Variants in GRAMD1C observed in about 807,000 individuals in gnomAD.
GRAMD1C encodes the protein protein Aster-C.
A neutral mutation model predicts 97.8 loss-of-function variants in GRAMD1C; 89 were observed. The observed-to-expected ratio is 0.91, with a 90% CI of 0.77 to 1.09. The LOEUF is 1.09. GRAMD1C is among the 50% of genes least tolerant of loss of function. GRAMD1C has a pLI of 0.00. For missense variants in GRAMD1C, 740 were observed against 766.4 expected, an observed-to-expected ratio of 0.97 and a Z score of 0.41; for synonymous variants, 256 against 267.0, an observed-to-expected ratio of 0.96 and a Z score of 0.40.
intron 8 of GRAMD1C, among the ~76,000 whole-genome samples, chr3:113,905,715 TAC>T (rs1936346599): frequency 2.0e-5 from 3 of 151,802 alleles, no homozygotes; most frequent in East Asian, 3.9e-4. Context: ...TTTTTTTTGA[TAC>T]AGAGTTTTGC....
intron 2 of GRAMD1C, among the ~76,000 whole-genome samples, chr3:113,865,903 G>C (rs1051375538): frequency 1.3e-5 from 2 of 152,106 alleles, no homozygotes; most frequent in Non-Finnish European, 2.9e-5. Flanking sequence ...TCCAGTCCTT[G>C]TGTTGTTGAT....
rs1216190650 is a variant in GRAMD1C at position 113,875,539 on chromosome 3, A to C, written c.315A>C (p.Ser105=). The C allele has an allele frequency of 6.4e-7, 1 of 1,558,414 alleles. No individual in the cohort carries two copies. The highest frequency in any genetic ancestry group is 8.9e-7 in the Non-Finnish European group (1 of 1,128,612). The change falls in exon 4 of 18, where the codon TCA becomes TCC. Residue 105 remains serine (S), a synonymous_variant. Coordinates refer to ENST00000358160, the MANE Select transcript of GRAMD1C (RefSeq NM_017577.5). ...TGCTTCAGGGACGACTATACCTTTCAGAAAACTGGCTATGTTTCTATAGCA... is the reference window on the plus strand; with the variant it reads ...TGCTTCAGGGACGACTATACCTTTCCGAAAACTGGCTATGTTTCTATAGCA... The part of the protein sequence containing the change: ...DILLQGRLYL[S]ENWLCFYSNI...
intron 2 of GRAMD1C, among the ~76,000 whole-genome samples, chr3:113,866,122 T>C (rs1443097437): frequency 6.6e-6 from 1 of 152,210 alleles, no homozygotes; most frequent in African/African-American, 2.4e-5. Flanking sequence ...TTCAAGTCTC[T>C]TATATCCTTG....
In GRAMD1C at chr3:113,904,244, A is replaced by T; in HGVS notation, c.761A>T (p.Glu254Val). The T allele has an allele frequency of 6.2e-7, 1 of 1,607,680 alleles. No homozygotes were observed. Among genetic ancestry groups the T allele is most frequent in the Non-Finnish European group, 8.5e-7 (1 of 1,174,228 alleles). The change falls in exon 8 of 18, where the codon GAG (glutamate) becomes GTG (valine). Residue 254 changes from glutamate to valine, a missense_variant. Physicochemically the swap from Glu to Val is moderately radical, Grantham distance 121 (BLOSUM62 -2). Transcript: ENST00000358160. The part of the protein sequence containing the change: ...SESISRVSET[E>V]SFDGNSSKGG... ...TCAATTAGTCGGGTTTCAGAAACAGAGTCATTCGATGGAAATTCATCAAAA... is the reference window on the plus strand; with the variant it reads ...TCAATTAGTCGGGTTTCAGAAACAGTGTCATTCGATGGAAATTCATCAAAA...
chr3:113,893,635 T>C (rs1935819217), intron 6 of GRAMD1C, among the ~76,000 whole-genome samples: 1 of 152,242 alleles, frequency 6.6e-6, no homozygotes, highest in Non-Finnish European at 1.5e-5. Flanking sequence ...ACTGACAAGT[T>C]CAGTCTTTAC....
intron 17 of GRAMD1C, among the ~76,000 whole-genome samples, chr3:113,944,546 C>T (rs768215514): frequency 6.6e-6 from 1 of 152,174 alleles, no homozygotes; most frequent in Non-Finnish European, 1.5e-5. Flanking sequence ...TTCCTCTAAT[C>T]CAAAACCTAA....
chr3:113,897,677 A>C (rs962324372), intron 6 of GRAMD1C: 1 of 981,794 alleles, frequency 1.0e-6, no homozygotes, highest in Non-Finnish European at 1.2e-6. Context: ...AGATGGCAAC[A>C]TACTTAGAAT....
intron 3 of GRAMD1C, among the ~76,000 whole-genome samples, chr3:113,871,893 A>G (rs2107375201): frequency 6.6e-6 from 1 of 152,196 alleles, no homozygotes; most frequent in Admixed American, 6.5e-5. Context: ...GTAAGGAGAG[A>G]TCATGCCAGT....
At chr3:113,893,096 A>G (rs1400527851) in intron 6 of GRAMD1C, among the ~76,000 whole-genome samples, 1 of 152,186 alleles carries the variant, frequency 6.6e-6, no homozygotes, top group Non-Finnish European at 1.5e-5. Context: ...ACACTACAAC[A>G]GCAGAGTTGA....
chr3:113,885,222 G>A (rs1465983065), intron 6 of GRAMD1C: 8 of 855,704 alleles, frequency 9.3e-6, no homozygotes, highest in Non-Finnish European at 1.5e-5. Context: ...CCTCCCTTCG[G>A]CGGGGGTTGC....
intron 6 of GRAMD1C, chr3:113,885,448 G>C (rs1480414283): frequency 1.3e-6 from 2 of 1,580,162 alleles, no homozygotes; most frequent in Non-Finnish European, 8.7e-7. Context: ...CTTATCTCCT[G>C]TGTCCCGGAA....
intron 4 of GRAMD1C, 23 bp from the exon 5 acceptor site, chr3:113,876,141 TA>T (rs1485367703): frequency 7.0e-6 from 8 of 1,149,820 alleles, no homozygotes; most frequent in African/African-American, 4.6e-5. Context: ...AAAAATACAT[TA>T]AAAAAATTTT....
At chr3:113,935,036 G>C (rs1937551000) in intron 13 of GRAMD1C, among the ~76,000 whole-genome samples, 1 of 152,118 alleles carries the variant, frequency 6.6e-6, no homozygotes, top group African/African-American at 2.4e-5. Flanking sequence ...GCACCACCGT[G>C]CCTGGCCGAA....
rs1346241240 is a variant in GRAMD1C at position 113,908,979 on chromosome 3, C to G, written c.811C>G (p.Gln271Glu). 6.4e-7 allele frequency: 1 copy of G among 1,574,464 alleles called. No individual in the cohort carries two copies. The highest frequency in any genetic ancestry group is 1.4e-5 in the African/African-American group (1 of 72,394). Residue 271 changes from glutamine (Q) to glutamate (E), a missense_variant, in exon 9 of 18, where the codon CAA becomes GAA. Physicochemically the swap from Gln to Glu is conservative, Grantham distance 29. Transcript: ENST00000358160. The stretch of plus-strand genomic sequence containing the variant: ...TTAGGGATTAGGCAAAGAGGAGTCC[C>G]AAAATGAGAAACAGACCAAAAAGAG... Reference protein sequence around the residue: ...SKGGLGKEESQNEKQTKKSLL... With the variant: ...SKGGLGKEESENEKQTKKSLL...
chr3:113,844,596 G>T lies in GRAMD1C; in HGVS notation c.121G>T (p.Val41Phe), dbSNP rs1281346596. ...AACTGTGGAAGAGAATAATGTGGTA[G>T]TTAAAAAACAGGGGCCAAATTTACA... is the stretch of plus-strand genomic sequence containing the variant. ...SPTVEENNVV[V>F]KKQGPNLHNW... Residue 41 changes from valine to phenylalanine, a missense_variant, in exon 2 of 18, where the codon GTT (valine) becomes TTT (phenylalanine). Physicochemically the swap from Val to Phe is conservative, Grantham distance 50. Coordinates refer to ENST00000358160, the MANE Select transcript of GRAMD1C (RefSeq NM_017577.5). 1 of 1,606,232 alleles carries T rather than the reference G, an allele frequency of 6.2e-7. No individual in the cohort carries two copies. Among genetic ancestry groups the T allele is most frequent in the South Asian group, 1.1e-5 (1 of 90,024 alleles).
chr3:113,844,776 CCA>C (rs1577117160), intron 2 of GRAMD1C, 127 bp downstream of exon 2: 3 of 633,312 alleles, frequency 4.7e-6, no homozygotes, highest in Non-Finnish European at 8.0e-6. Flanking sequence ...CAATTTTAGT[CCA>C]GAGTCCCAAA....
At chr3:113,866,835 C>CTT (rs35476705) in intron 2 of GRAMD1C, among the ~76,000 whole-genome samples, 27 of 148,402 alleles carry the variant, frequency 1.8e-4, no homozygotes, top group Admixed American at 4.7e-4. Flanking sequence ...ACCCTTATGT[C>CTT]TTTTTTTTTT....
Position 113,933,581 on chromosome 3 carries a change from C to T in GRAMD1C, c.1280C>T (p.Pro427Leu). 1.9e-6 allele frequency: 3 copies of T among 1,602,092 alleles called. No individual in the cohort carries two copies. Among genetic ancestry groups the T allele is most frequent in the Non-Finnish European group, 2.6e-6 (3 of 1,169,146 alleles). Residue 427 changes from proline to leucine, a missense_variant, in exon 12 of 18, where the codon CCC (proline) becomes CTC (leucine). Coordinates refer to ENST00000358160, the MANE Select transcript of GRAMD1C (RefSeq NM_017577.5). The part of the protein sequence containing the change: ...VDSEVLTHDV[P>L]YHDYFYTVNR... ...TCAGAAGTACTGACACATGATGTCC[C>T]CTACCATGATTACTTCTATACCGTG...
intron 10 of GRAMD1C, 54 bp from the exon 11 acceptor site, chr3:113,930,660 T>C: frequency 1.1e-6 from 1 of 911,014 alleles, no homozygotes; most frequent in Non-Finnish European, 1.8e-6. Context: ...TTTCATTTAA[T>C]GTCATACTGT....
Sources: gnomAD v4.1 joint callset for allele counts (sites outside exome capture counted in the v4.1 genomes callset) on GRCh38, gnomAD v4.1.1 for gene constraint, MANE v1.5 for transcripts, NCBI Gene and HGNC (gene_info 2026-07-23, HGNC 2026-07-21) for gene names.